HRH1: variants seen among roughly 807,000 people sequenced by gnomAD.
HRH1 encodes the protein histamine receptor H1, also known as histamine H1 receptor.
HRH1 carries 6 observed loss-of-function variants against 10.3 expected under a neutral mutation model. That is an observed-to-expected ratio of 0.58 (90% CI 0.32 to 1.15). HRH1 has a LOEUF of 1.15. Among genes scored for constraint, HRH1 ranks in the 50% most tolerant of loss-of-function variants. HRH1 has a pLI of 0.05. For missense variants in HRH1, 514 were observed against 615.3 expected (o/e 0.84, Z 1.74); for synonymous variants, 242 against 236.7 (o/e 1.02, Z -0.21).
intron 1 of HRH1, among the ~76,000 whole-genome samples, chr3:11,215,437 T>G (rs1198877569): frequency 6.6e-6 from 1 of 152,124 alleles, no homozygotes; most frequent in Non-Finnish European, 1.5e-5. Flanking sequence ...GGGTTTTTTT[T>G]GTTTTGTTTT....
chr3:11,145,097 C>G (rs945763562), intron 1 of HRH1, among the ~76,000 whole-genome samples: 1 of 152,122 alleles, frequency 6.6e-6, no homozygotes, highest in East Asian at 1.9e-4. Context: ...CCCCATACCC[C>G]ATCTGTGGAT....
rs778194662 is a variant in HRH1, at chr3:11,260,116, G to A, written c.1079G>A (p.Arg360Gln). The change falls in exon 2 of 2, where the codon CGA becomes CAA. Residue 360 changes from arginine to glutamine, a missense_variant. By Grantham distance (43) the Arg-to-Gln change is conservative (BLOSUM62 1). Transcript: ENST00000431010. ...QMLGDSQSFS[R>Q]TDSDTTTETA... ...TTAGGTGATAGCCAATCCTTCTCTC[G>A]AACGGACTCAGATACCACCACAGAG... The A allele has an allele frequency of 9.9e-6, 16 of 1,613,892 alleles. No homozygotes were observed. The highest frequency in any genetic ancestry group is 5.5e-5 in the South Asian group (5 of 91,056).
chr3:11,259,697 C>A lies in HRH1; in HGVS notation c.660C>A (p.His220Gln), dbSNP rs866821882. Reference protein sequence around the residue: ...YAKIYKAVRQHCQHRELINRS... With the variant: ...YAKIYKAVRQQCQHRELINRS... ...AGATCTACAAGGCCGTACGACAACA[C>A]TGCCAGCACCGGGAGCTCATCAATA... The change falls in exon 2 of 2, where the codon CAC becomes CAA. Residue 220 changes from histidine to glutamine, a missense_variant. Coordinates refer to ENST00000431010, the MANE Select transcript of HRH1 (RefSeq NM_001098212.2). This position sits in a 1 kb window ranked among gnomAD's most constrained non-coding sequence, Gnocchi z 4.6. 2.5e-6 allele frequency: 4 copies of A among 1,614,164 alleles called. No individual in the cohort carries two copies. In the East Asian group the frequency reaches 6.7e-5, roughly 27 times the overall value.
chr3:11,242,480 C>CAAAAAAAAAAAA (rs35809891), intron 1 of HRH1, among the ~76,000 whole-genome samples: 28 of 50,380 alleles, frequency 5.6e-4, no homozygotes, highest in South Asian at 1.6e-3. Context: ...GACTCCGTCT[C>CAAAAAAAAAAAA]AAAAAAAAAA....
chr3:11,165,751 T>G (rs1937017622), intron 1 of HRH1, among the ~76,000 whole-genome samples: 2 of 152,212 alleles, frequency 1.3e-5, no homozygotes, highest in African/African-American at 2.4e-5. Context: ...TGCATTTTAC[T>G]TCCTTTCATC....
At chr3:11,183,468 C>T (rs1258431678) in intron 1 of HRH1, among the ~76,000 whole-genome samples, 1 of 152,184 alleles carries the variant, frequency 6.6e-6, no homozygotes, top group East Asian at 1.9e-4. Flanking sequence ...TGCTCCTAAA[C>T]CTCCTACAGT....
chr3:11,210,507 A>G (rs556707477), intron 1 of HRH1, among the ~76,000 whole-genome samples: 8 of 152,110 alleles, frequency 5.3e-5, no homozygotes, highest in Admixed American at 2.6e-4. Context: ...TAAAACAGCT[A>G]TTGGCTGGGT....
chr3:11,187,080 C>T (rs2125019644), intron 1 of HRH1, among the ~76,000 whole-genome samples: 1 of 152,220 alleles, frequency 6.6e-6, no homozygotes, highest in South Asian at 2.1e-4. Flanking sequence ...TATACAATTC[C>T]AGACCTTCCC....
intron 1 of HRH1, among the ~76,000 whole-genome samples, chr3:11,190,968 G>A (rs529563264): frequency 7.9e-5 from 12 of 152,244 alleles, no homozygotes; most frequent in Admixed American, 2.6e-4. Flanking sequence ...CAGGTCTCCC[G>A]AGGACAAGGT....
intron 1 of HRH1, among the ~76,000 whole-genome samples, chr3:11,249,477 A>G (rs1360488606): frequency 6.6e-6 from 1 of 151,676 alleles, no homozygotes; most frequent in African/African-American, 2.4e-5. Flanking sequence ...GGAGCAATGA[A>G]GCACATTGTG....
chr3:11,197,860 C>A (rs1336104501), intron 1 of HRH1, among the ~76,000 whole-genome samples: 1 of 152,162 alleles, frequency 6.6e-6, no homozygotes, highest in East Asian at 1.9e-4. Context: ...GAGGAAAGAC[C>A]ACATTTGGCA....
intron 1 of HRH1, among the ~76,000 whole-genome samples, chr3:11,240,382 A>G (rs368463757): frequency 3.9e-5 from 6 of 152,172 alleles, no homozygotes; most frequent in African/African-American, 9.6e-5. Context: ...CCTTTTAAAA[A>G]CAGGCAGATC....
intron 1 of HRH1, among the ~76,000 whole-genome samples, chr3:11,252,056 G>C (rs1939667331): frequency 6.6e-6 from 1 of 152,190 alleles, no homozygotes; most frequent in African/African-American, 2.4e-5. Flanking sequence ...AGCTAGGACA[G>C]GGGCAGTTAC....
chr3:11,226,047 A>G (rs1176327652), intron 1 of HRH1: 1 of 152,474 alleles, frequency 6.6e-6, no homozygotes, highest in African/African-American at 2.4e-5. Context: ...GCAGGAGAGC[A>G]GCATTTGTAA....
chr3:11,241,908 C>T (rs981913450), intron 1 of HRH1, among the ~76,000 whole-genome samples: 6 of 151,964 alleles, frequency 3.9e-5, no homozygotes, highest in African/African-American at 1.2e-4. Flanking sequence ...CTGTAAAACG[C>T]ACCAATCAGC....
rs1480974507 is a variant in HRH1, at chr3:11,203,830, CT to C, written c.-36+49280del. 2.0e-5 allele frequency among the ~76,000 whole-genome samples: 3 copies of C among 152,120 alleles called. No homozygotes were observed. The East Asian group carries it at 5.8e-4, about 29-fold the overall frequency. ...CAATATTGTGTTGGTTATTCTGGGTCTTTTGCTCTCCATATAAACTTCATAA... is the reference window on the plus strand; with the variant it reads ...CAATATTGTGTTGGTTATTCTGGGTCTTTGCTCTCCATATAAACTTCATAA... On this transcript the variant is annotated intron_variant, in intron 1 of 1. Transcript: ENST00000431010.
At chr3:11,243,027 C>T (rs895794938) in intron 1 of HRH1, among the ~76,000 whole-genome samples, 5 of 152,066 alleles carry the variant, frequency 3.3e-5, no homozygotes, top group Non-Finnish European at 7.4e-5. Flanking sequence ...GATTCTCCTG[C>T]CTCACCCTCC....
In HRH1 at chr3:11,259,683, G is replaced by A. The variant is rs766424758; in HGVS notation, c.646G>A (p.Ala216Thr). 2 of 1,614,068 alleles carry A rather than the reference G, an allele frequency of 1.2e-6. No individual in the cohort carries two copies. The change falls in exon 2 of 2, where the codon GCC (alanine) becomes ACC (threonine). Residue 216 changes from alanine to threonine, a missense_variant. Physicochemically the swap from Ala to Thr is moderately conservative, Grantham distance 58 (BLOSUM62 0). Coordinates refer to ENST00000431010, the MANE Select transcript of HRH1 (RefSeq NM_001098212.2). This position sits in a 1 kb window ranked among gnomAD's most constrained non-coding sequence, Gnocchi z 4.6. ...CTGGTTCTATGCCAAGATCTACAAGGCCGTACGACAACACTGCCAGCACCG... is the reference window on the plus strand; with the variant it reads ...CTGGTTCTATGCCAAGATCTACAAGACCGTACGACAACACTGCCAGCACCG... ...MLWFYAKIYKAVRQHCQHREL... is the reference protein window; with the variant it reads ...MLWFYAKIYKTVRQHCQHREL...
rs1939929176 is a variant in HRH1, at chr3:11,260,585, C to T, written c.*84C>T. The T allele has an allele frequency of 3.8e-6, 5 of 1,329,828 alleles. No homozygotes were observed. The highest frequency in any genetic ancestry group is 1.0e-6 in the Non-Finnish European group (1 of 963,158). The allele number at this position is 1,329,828 out of a possible 1,614,324, so 82.4% of individuals were successfully genotyped here. ...GGACGAAGGCCTGTGTGTTGCCAGG[C>T]AGGCACCTGGGCTTTCTGGAATCCA... On this transcript the variant is annotated 3_prime_UTR_variant, in exon 2 of 2. Coordinates refer to ENST00000431010, the MANE Select transcript of HRH1 (RefSeq NM_001098212.2).
Sources: allele counts gnomAD v4.1 joint callset (sites outside exome capture counted in the v4.1 genomes callset), GRCh38; gene constraint gnomAD v4.1.1; non-coding constraint Gnocchi (gnomAD v3.1); transcripts MANE v1.5; gene names NCBI Gene and HGNC (gene_info 2026-07-23, HGNC 2026-07-21).